AOAH: variants seen among roughly 807,000 people sequenced by gnomAD.
AOAH encodes acyloxyacyl hydrolase.
In AOAH, 64 loss-of-function variants were observed where a neutral mutation model predicts 92.2. The observed-to-expected ratio is 0.69, with a 90% confidence interval of 0.57 to 0.86. The LOEUF (loss-of-function observed/expected upper bound fraction) is 0.86, where lower values mean the gene tolerates loss of function less well. AOAH is among the 40% of genes least tolerant of loss of function. The pLI, the probability that AOAH is intolerant of heterozygous loss-of-function variation, is 0.00. For missense variants in AOAH, 656 were observed against 694.6 expected (o/e 0.94, Z 0.62); for synonymous variants, 263 against 254.5 (o/e 1.03, Z -0.32).
At chr7:36,621,219 C>T (rs1165603001) in intron 8 of AOAH, among the ~76,000 whole-genome samples, 1 of 152,136 alleles carries the variant, frequency 6.6e-6, no homozygotes, top group Non-Finnish European at 1.5e-5. Context: ...ACAACAAAGG[C>T]GAGGGCTAGC....
At chr7:36,621,473 T>A (rs1041613834) in intron 8 of AOAH, among the ~76,000 whole-genome samples, 1 of 152,246 alleles carries the variant, frequency 6.6e-6, no homozygotes, top group Non-Finnish European at 1.5e-5. Flanking sequence ...ATTTCTGTTT[T>A]GTTTACCACC....
intron 11 of AOAH, among the ~76,000 whole-genome samples, chr7:36,600,307 C>T (rs1790456486): frequency 6.6e-6 from 1 of 152,214 alleles, no homozygotes; most frequent in South Asian, 2.1e-4. Context: ...AGTATTCACA[C>T]CTCAGACAAA....
At chr7:36,595,186 A>C (rs1390179946) in intron 11 of AOAH, among the ~76,000 whole-genome samples, 3 of 152,208 alleles carry the variant, frequency 2.0e-5, no homozygotes, top group Admixed American at 2.0e-4. Context: ...TTTTAGAAAA[A>C]GCTTATCTAA....
intron 2 of AOAH, among the ~76,000 whole-genome samples, chr7:36,682,706 A>G (rs942688461): frequency 2.6e-5 from 4 of 152,150 alleles, no homozygotes; most frequent in Admixed American, 6.5e-5. Flanking sequence ...AGAATAAAGA[A>G]GTGAAGTCTA....
chr7:36,661,884 G>C (rs1047229284), intron 3 of AOAH, among the ~76,000 whole-genome samples: 1 of 152,096 alleles, frequency 6.6e-6, no homozygotes, highest in Non-Finnish European at 1.5e-5. Context: ...TTACACCTGG[G>C]CATGCAGAAT....
At chr7:36,587,357 G>C (rs977331404) in intron 12 of AOAH, among the ~76,000 whole-genome samples, 1 of 151,704 alleles carries the variant, frequency 6.6e-6, no homozygotes, top group African/African-American at 2.4e-5. Flanking sequence ...GAGCACTTCA[G>C]TATCCTTTTT....
chr7:36,553,974 G>C (rs1315427093), intron 13 of AOAH, among the ~76,000 whole-genome samples: 1 of 152,022 alleles, frequency 6.6e-6, no homozygotes, highest in Non-Finnish European at 1.5e-5. Flanking sequence ...CTGTGCAGAA[G>C]CTCTTTAGTT....
intron 1 of AOAH, among the ~76,000 whole-genome samples, chr7:36,716,243 C>G (rs1487173528): frequency 2.0e-5 from 3 of 152,110 alleles, no homozygotes; most frequent in East Asian, 1.9e-4. Flanking sequence ...CACTGACCAT[C>G]AGAGAAATGC....
chr7:36,675,368 G>A (rs1463366086), intron 2 of AOAH, among the ~76,000 whole-genome samples: 1 of 152,288 alleles, frequency 6.6e-6, no homozygotes, highest in Middle Eastern at 3.4e-3. Flanking sequence ...GTTATGAACA[G>A]GTGCATGGCA....
At chr7:36,659,496 C>T (rs1467511930) in intron 3 of AOAH, among the ~76,000 whole-genome samples, 1 of 152,176 alleles carries the variant, frequency 6.6e-6, no homozygotes, top group Non-Finnish European at 1.5e-5. Context: ...GGGGCATGCA[C>T]AGCACTGAGC....
chr7:36,722,016 C>A (rs1479460617), intron 1 of AOAH, among the ~76,000 whole-genome samples: 2 of 152,138 alleles, frequency 1.3e-5, no homozygotes, highest in African/African-American at 2.4e-5. Flanking sequence ...CCCAGATGAG[C>A]CAACCCTCTA....
In AOAH at chr7:36,549,424, T is replaced by A; in HGVS notation, c.1058+15A>T. 1 of 1,584,906 alleles carries A rather than the reference T, an allele frequency of 6.3e-7. No individual in the cohort carries two copies. The highest frequency in any genetic ancestry group is 1.4e-5 in the African/African-American group (1 of 74,044). The stretch of plus-strand genomic sequence containing the variant: ...GAGAAACCAAATTAAAAACAACTTC[T>A]TATCTTCTGCTTACCTTTCTATAAA... On this transcript the variant is annotated intron_variant, in intron 14 of 20. Transcript: ENST00000617537.
At chr7:36,635,663 G>A (rs1031302946) in intron 5 of AOAH, among the ~76,000 whole-genome samples, 1 of 152,086 alleles carries the variant, frequency 6.6e-6, no homozygotes, top group African/African-American at 2.4e-5. Context: ...GACGTAAATG[G>A]TGCTCCCCAA....
chr7:36,563,974 A>G (rs1475986825), intron 13 of AOAH, among the ~76,000 whole-genome samples: 2 of 152,228 alleles, frequency 1.3e-5, no homozygotes, highest in Non-Finnish European at 2.9e-5. Context: ...TCTGAATTTC[A>G]GCTAAATGAT....
At chr7:36,543,211 T>C (rs1785541754) in intron 15 of AOAH, among the ~76,000 whole-genome samples, 1 of 152,208 alleles carries the variant, frequency 6.6e-6, no homozygotes, top group Admixed American at 6.5e-5. Context: ...AAACCAGCTA[T>C]GACGATTTGC....
chr7:36,593,888 T>C (rs1789919174), intron 12 of AOAH, among the ~76,000 whole-genome samples: 1 of 152,210 alleles, frequency 6.6e-6, no homozygotes, highest in Admixed American at 6.5e-5. Context: ...CCCAGGCATA[T>C]GTAGTGAATT....
intron 5 of AOAH, among the ~76,000 whole-genome samples, chr7:36,632,313 G>A (rs1471138081): frequency 2.6e-5 from 4 of 152,058 alleles, no homozygotes; most frequent in African/African-American, 9.7e-5. Flanking sequence ...GGGCTCCTCA[G>A]CCCGAAGCCT....
chr7:36,621,869 G>C, intron 7 of AOAH, 89 bp from the exon 8 acceptor site: 1 of 1,083,328 alleles, frequency 9.2e-7, no homozygotes. Flanking sequence ...GAATGGCATT[G>C]ACATCCACAG....
At chr7:36,594,925 G>A (rs1389677441) in intron 11 of AOAH, among the ~76,000 whole-genome samples, 1 of 152,062 alleles carries the variant, frequency 6.6e-6, no homozygotes, top group Non-Finnish European at 1.5e-5. Flanking sequence ...GAATCTAATT[G>A]TGGTTCCTTT....
Sources: allele counts gnomAD v4.1 joint callset (sites outside exome capture counted in the v4.1 genomes callset), GRCh38; gene constraint gnomAD v4.1.1; transcripts MANE v1.5; gene names NCBI Gene and HGNC (gene_info 2026-07-23, HGNC 2026-07-21).